STK32B: variants seen among roughly 807,000 people sequenced by gnomAD.
STK32B encodes serine/threonine kinase 32B, also known as serine/threonine-protein kinase 32B.
In STK32B, 43 loss-of-function variants were observed where a neutral mutation model predicts 52.6. That is an observed-to-expected ratio of 0.82 (90% CI 0.64 to 1.05). The LOEUF is 1.05. Among genes scored for constraint, STK32B ranks in the 50% least tolerant of loss-of-function variants. STK32B has a pLI of 0.00. For missense variants in STK32B, 621 were observed against 534.6 expected (o/e 1.16, Z -1.59); for synonymous variants, 238 against 204.3 (o/e 1.17, Z -1.41).
intron 3 of STK32B, among the ~76,000 whole-genome samples, chr4:5,213,263 A>C (rs1024849969): frequency 6.6e-6 from 1 of 152,024 alleles, no homozygotes; most frequent in African/African-American, 2.4e-5. Context: ...GCTGCCATCA[A>C]TCCTGTCCTG....
At chr4:5,225,420 A>G (rs755269233) in intron 3 of STK32B, among the ~76,000 whole-genome samples, 2 of 152,210 alleles carry the variant, frequency 1.3e-5, no homozygotes, top group African/African-American at 2.4e-5. Flanking sequence ...AAAAAATAAA[A>G]TAAAATAAAA....
chr4:5,346,804 A>G (rs1040053603), intron 4 of STK32B, among the ~76,000 whole-genome samples: 19 of 152,280 alleles, frequency 1.2e-4, no homozygotes, highest in African/African-American at 4.1e-4. Flanking sequence ...GAAATATCCA[A>G]GACTGGGTAG....
At chr4:5,371,476 G>A (rs1008747068) in intron 4 of STK32B, among the ~76,000 whole-genome samples, 3 of 152,160 alleles carry the variant, frequency 2.0e-5, no homozygotes, top group Non-Finnish European at 4.4e-5. Flanking sequence ...GCAGGTTCAG[G>A]GGAGCCTGTC....
At chr4:5,462,757 G>A (rs369722753) in intron 9 of STK32B, among the ~76,000 whole-genome samples, 1 of 152,180 alleles carries the variant, frequency 6.6e-6, no homozygotes, top group Non-Finnish European at 1.5e-5. Flanking sequence ...GCAGCACCCC[G>A]GGACTGTACT....
At chr4:5,184,618 G>A (rs1244316131) in intron 3 of STK32B, among the ~76,000 whole-genome samples, 1 of 149,656 alleles carries the variant, frequency 6.7e-6, no homozygotes, top group Non-Finnish European at 1.5e-5. Context: ...AACCCGGGAG[G>A]CAGAGGTTGC....
At chr4:5,276,245 C>T (rs10017953) in intron 3 of STK32B, among the ~76,000 whole-genome samples, 2,631 of 152,104 alleles carry the variant, frequency 0.017, 41 homozygotes, top group East Asian at 0.071. Flanking sequence ...GCCAAGATTG[C>T]ACCACTGCAC....
At chr4:5,061,590 T>C (rs1371795376) in intron 1 of STK32B, among the ~76,000 whole-genome samples, 1 of 152,218 alleles carries the variant, frequency 6.6e-6, no homozygotes, top group Non-Finnish European at 1.5e-5. Context: ...TGATATTATA[T>C]TTCCTAGAAA....
intron 1 of STK32B, among the ~76,000 whole-genome samples, chr4:5,092,765 G>T (rs1281849390): frequency 6.6e-6 from 1 of 151,978 alleles, no homozygotes; most frequent in Non-Finnish European, 1.5e-5. Flanking sequence ...CCAAGGAGAT[G>T]GTGCTAAACC....
chr4:5,171,502 G>A (rs1333108428), intron 3 of STK32B, among the ~76,000 whole-genome samples: 4 of 152,248 alleles, frequency 2.6e-5, no homozygotes, highest in South Asian at 2.1e-4. Context: ...CAAGGAAGGT[G>A]TCCAGTTTCA....
intron 2 of STK32B, among the ~76,000 whole-genome samples, chr4:5,165,865 C>T (rs1366747160): frequency 3.3e-5 from 5 of 152,198 alleles, no homozygotes; most frequent in Non-Finnish European, 7.3e-5. Flanking sequence ...TTGGAGATTT[C>T]ATGCAACGTG....
At chr4:5,041,647 C>T in the STK32B span, among the ~76,000 whole-genome samples, 2 of 152,104 alleles carry the variant, frequency 1.3e-5, no homozygotes, top group East Asian at 1.9e-4. Flanking sequence ...CGCACACACA[C>T]GCACACATAA....
chr4:5,434,301 A>G (rs1035979848), intron 6 of STK32B, among the ~76,000 whole-genome samples: 1 of 152,194 alleles, frequency 6.6e-6, no homozygotes, highest in Non-Finnish European at 1.5e-5. Flanking sequence ...TCCTTCTTTT[A>G]TCTACTAATT....
intron 3 of STK32B, among the ~76,000 whole-genome samples, chr4:5,286,244 A>G (rs1728532091): frequency 6.6e-6 from 1 of 152,186 alleles, no homozygotes; most frequent in Non-Finnish European, 1.5e-5. Flanking sequence ...ACCATTTTAC[A>G]CCCAACAGAT....
chr4:5,131,701 A>G (rs569892091), intron 1 of STK32B, among the ~76,000 whole-genome samples: 9 of 152,062 alleles, frequency 5.9e-5, no homozygotes, highest in Non-Finnish European at 8.8e-5. Context: ...TGAAATAACC[A>G]TCCTCCTCAT....
At chr4:5,334,697 A>G (rs918259404) in intron 4 of STK32B, among the ~76,000 whole-genome samples, 7 of 150,334 alleles carry the variant, frequency 4.7e-5, no homozygotes, top group Non-Finnish European at 7.4e-5. Context: ...GGGTTGTTGA[A>G]TTTTGTCAAA....
chr4:5,480,080 C>T (rs1033492076), intron 11 of STK32B, among the ~76,000 whole-genome samples: 8 of 152,106 alleles, frequency 5.3e-5, no homozygotes, highest in South Asian at 2.1e-4. Flanking sequence ...TTAACAGCCT[C>T]GGTGACAGTC....
intron 4 of STK32B, among the ~76,000 whole-genome samples, chr4:5,370,686 A>C (rs1460159570): frequency 6.6e-6 from 1 of 152,158 alleles, no homozygotes; most frequent in Non-Finnish European, 1.5e-5. Context: ...TGTTAAAAAA[A>C]ATTGTTTAAA....
At chr4:5,139,668 C>T in intron 1 of STK32B, 3 of 534,270 alleles carry the variant, frequency 5.6e-6, no homozygotes, top group Non-Finnish European at 1.0e-5. Context: ...TGCAGAGCCT[C>T]ATCAAGAAGT....
intron 6 of STK32B, among the ~76,000 whole-genome samples, chr4:5,427,554 A>G (rs1032504366): frequency 3.3e-5 from 5 of 152,170 alleles, no homozygotes; most frequent in African/African-American, 1.2e-4. Flanking sequence ...TGTGGATTCA[A>G]TTTCTTTAAC....
Sources: allele counts gnomAD v4.1 joint callset (sites outside exome capture counted in the v4.1 genomes callset), GRCh38; gene constraint gnomAD v4.1.1; transcripts MANE v1.5; gene names NCBI Gene and HGNC (gene_info 2026-07-23, HGNC 2026-07-21).